CYP2B6: variants seen among roughly 807,000 people sequenced by gnomAD.
The protein encoded by CYP2B6 is cytochrome P450 2B6.
A neutral mutation model predicts 43.4 loss-of-function variants in CYP2B6; 35 were observed. The ratio of observed to expected loss-of-function variants is 0.81; its 90% CI spans 0.62 to 1.07. The LOEUF (loss-of-function observed/expected upper bound fraction) is 1.07, where lower values mean the gene tolerates loss of function less well. Among genes scored for constraint, CYP2B6 ranks in the 50% least tolerant of loss-of-function variants. CYP2B6 has a pLI of 0.00. For synonymous variants in CYP2B6, 239 were observed against 239.2 expected (o/e 1.00, Z 0.01); for missense variants, 624 against 632.8 (o/e 0.99, Z 0.15).
chr19:40,997,041 C>A (rs1228213281), intron 1 of CYP2B6, among the ~76,000 whole-genome samples: 1 of 151,926 alleles, frequency 6.6e-6, no homozygotes, highest in Non-Finnish European at 1.5e-5. Flanking sequence ...TCTCTGCCAT[C>A]CTCTGTTACA....
Position 41,012,467 on chromosome 19 carries a change from AG to A in CYP2B6, c.1137del (p.Tyr380ThrfsTer13), listed in dbSNP as rs1329894263. On this transcript the variant is annotated frameshift_variant, in exon 7 of 9. Transcript: ENST00000324071. LOFTEE classifies it high-confidence loss of function. The part of the protein sequence containing the change: ...HIVTQHTSFR[G>X]YIIPKDTEVF... ...TTGTCACCCAACACACCAGCTTCCG[AG>A]GGTACATCATCCCCAAGGTAAGACC... is the stretch of plus-strand genomic sequence containing the variant. 2.5e-6 allele frequency: 4 copies of A among 1,614,074 alleles called. No individual in the cohort carries two copies. The Admixed American group carries it at 5.0e-5, about 20-fold the overall frequency.
intron 1 of CYP2B6, among the ~76,000 whole-genome samples, chr19:41,002,071 G>T (rs1364281562): frequency 5.3e-5 from 8 of 152,100 alleles, no homozygotes; most frequent in African/African-American, 1.9e-4. Flanking sequence ...GGGAGGAGAA[G>T]TCAGAGCGGT....
chr19:41,012,431 T>C lies in CYP2B6; in HGVS notation c.1098T>C (p.Gly366=). 6.2e-7 allele frequency: 1 copy of C among 1,614,078 alleles called. No homozygotes were observed. Among genetic ancestry groups the C allele is most frequent in the South Asian group, 1.1e-5 (1 of 91,076 alleles). The change falls in exon 7 of 9, where the codon GGT becomes GGC. Residue 366 remains glycine, a synonymous_variant. Coordinates refer to ENST00000324071, the MANE Select transcript of CYP2B6 (RefSeq NM_000767.5). The part of the protein sequence containing the change: ...IQRFSDLLPM[G]VPHIVTQHTS... The stretch of plus-strand genomic sequence containing the variant: ...GATTTTCCGACCTTCTCCCCATGGG[T>C]GTGCCCCACATTGTCACCCAACACA...
chr19:41,008,708 A>G (rs376801445), intron 4 of CYP2B6, among the ~76,000 whole-genome samples: 4 of 152,178 alleles, frequency 2.6e-5, no homozygotes, highest in African/African-American at 7.2e-5. Context: ...CTGACTATAT[A>G]TGTTTGCATT....
In CYP2B6 at chr19:41,016,791, A is replaced by G; in HGVS notation, c.1440A>G (p.Ile480Met). 1 of 1,613,678 alleles carries G rather than the reference A, an allele frequency of 6.2e-7. No individual in the cohort carries two copies. Among genetic ancestry groups the G allele is most frequent in the Non-Finnish European group, 8.5e-7 (1 of 1,179,900 alleles). Residue 480 changes from isoleucine (I) to methionine (M), a missense_variant, in exon 9 of 9, where the codon ATA (isoleucine) becomes ATG (methionine). Physicochemically the swap from Ile to Met is conservative, Grantham distance 10. Transcript: ENST00000324071. ...CCCAGGAGTGTGGTGTGGGCAAAAT[A>G]CCCCCAACATACCAGATCCGCTTCC... The part of the protein sequence containing the change: ...LTPQECGVGK[I>M]PPTYQIRFLP...
At position 40,991,602 on chromosome 19, in the gene CYP2B6, C is replaced by T. The variant is rs28399484; in HGVS notation, c.171+126C>T. On this transcript the variant is annotated intron_variant, in intron 1 of 8. Coordinates refer to ENST00000324071, the MANE Select transcript of CYP2B6 (RefSeq NM_000767.5). ...GTGGCACGGGCATGGTTGGTGAGTA[C>T]GGAGCATGGTGAAGCATGATGGGTG... 5.7e-4 allele frequency: 556 copies of T among 980,068 alleles called. 1 individual carries two copies. In the African/African-American group the frequency reaches 8.0e-3, roughly 14 times the overall value. 60.7% of individuals were successfully genotyped at this position (980,068 alleles called of 1,614,324 possible). A position where few individuals can be genotyped will look rare whatever the true frequency, so the allele number is the denominator to read the frequency against.
At chr19:40,993,921 A>G (rs1968961214) in intron 1 of CYP2B6, among the ~76,000 whole-genome samples, 1 of 152,128 alleles carries the variant, frequency 6.6e-6, no homozygotes. Flanking sequence ...GTGATGTTCC[A>G]TTAAGCGTTT....
intron 8 of CYP2B6, among the ~76,000 whole-genome samples, chr19:41,015,606 G>A (rs1196797754): frequency 1.3e-5 from 2 of 152,118 alleles, no homozygotes; most frequent in East Asian, 3.9e-4. Context: ...TCTACTGGGG[G>A]TTCCTTGCAC....
intron 1 of CYP2B6, among the ~76,000 whole-genome samples, chr19:41,003,441 G>A (rs548932512): frequency 1.3e-5 from 2 of 152,156 alleles, no homozygotes; most frequent in East Asian, 3.9e-4. Flanking sequence ...TAAAACTTAC[G>A]AATTCTTTAT....
At chr19:41,008,267 A>G (rs887862349) in intron 4 of CYP2B6, among the ~76,000 whole-genome samples, 4 of 151,146 alleles carry the variant, frequency 2.6e-5, no homozygotes, top group African/African-American at 9.8e-5. Flanking sequence ...GCTGGAGTGC[A>G]GTAGTGTGAT....
chr19:41,013,735 A>G (rs149276822), intron 8 of CYP2B6, among the ~76,000 whole-genome samples: 179 of 152,286 alleles, frequency 1.2e-3, no homozygotes, highest in African/African-American at 4.1e-3. Flanking sequence ...GGCTGGTTAA[A>G]AGAAAAACTT....
At chr19:41,012,970 A>G in intron 8 of CYP2B6, 155 bp downstream of exon 8, 1 of 898,186 alleles carries the variant, frequency 1.1e-6, no homozygotes, top group Non-Finnish European at 1.8e-6. Flanking sequence ...ACAACCCTAT[A>G]AGGAGGCTTG....
intron 6 of CYP2B6, 44 bp downstream of exon 6, chr19:41,010,179 C>T: frequency 6.2e-7 from 1 of 1,608,492 alleles, no homozygotes; most frequent in Non-Finnish European, 8.5e-7. Flanking sequence ...TGACCTCCTT[C>T]TGAGCTGCAG....
chr19:41,004,880 T>G (rs1969152519), intron 3 of CYP2B6, among the ~76,000 whole-genome samples: 1 of 151,946 alleles, frequency 6.6e-6, no homozygotes, highest in African/African-American at 2.4e-5. Context: ...TAGTCCCAGC[T>G]ACTCAGGAGG....
chr19:41,007,173 G>A (rs1969204845), intron 4 of CYP2B6, 108 bp downstream of exon 4: 6 of 1,117,136 alleles, frequency 5.4e-6, no homozygotes, highest in Non-Finnish European at 8.1e-6. Context: ...CTTATCCTTG[G>A]AAGAAACGCA....
At chr19:41,010,538 C>A (rs35051166) in intron 6 of CYP2B6, among the ~76,000 whole-genome samples, 3 of 151,904 alleles carry the variant, frequency 2.0e-5, no homozygotes, top group African/African-American at 7.2e-5. Flanking sequence ...CTCAGCTTCC[C>A]GAGTAGCTGG....
intron 8 of CYP2B6, among the ~76,000 whole-genome samples, chr19:41,014,823 AAGG>A (rs1207038380): frequency 4.0e-5 from 6 of 151,184 alleles, no homozygotes; most frequent in Admixed American, 1.3e-4. Context: ...ACGTAAGGAG[AAGG>A]AGGAGGAGGA....
intron 8 of CYP2B6, among the ~76,000 whole-genome samples, chr19:41,015,741 C>T (rs1398439272): frequency 6.6e-6 from 1 of 151,762 alleles, no homozygotes; most frequent in East Asian, 1.9e-4. Flanking sequence ...CAGGCTGAGA[C>T]TAGAAGACAG....
At chr19:41,005,383 A>C (rs145870236) in intron 3 of CYP2B6, among the ~76,000 whole-genome samples, 199 of 152,244 alleles carry the variant, frequency 1.3e-3, no homozygotes, top group African/African-American at 4.6e-3. Flanking sequence ...ATGGGGAGGT[A>C]GAGACCCAGG....
Sources: allele counts gnomAD v4.1 joint callset (sites outside exome capture counted in the v4.1 genomes callset), GRCh38; gene constraint gnomAD v4.1.1; transcripts MANE v1.5; gene names NCBI Gene and HGNC (gene_info 2026-07-23, HGNC 2026-07-21).